R3HDM2: variants seen among roughly 807,000 people sequenced by gnomAD.
The protein encoded by R3HDM2 is R3H domain-containing protein 2.
Under a neutral mutation model 124.5 loss-of-function variants are expected in R3HDM2, and 38 were observed. The ratio of observed to expected loss-of-function variants is 0.31; its 90% CI spans 0.24 to 0.40. R3HDM2 has a LOEUF of 0.40. Among genes scored for constraint, R3HDM2 ranks in the 10% least tolerant of loss-of-function variants. R3HDM2 has a pLI of 1.00. For missense variants in R3HDM2, 869 were observed against 1,236.9 expected (o/e 0.70, Z 4.46); for synonymous variants, 391 against 448.0 (o/e 0.87, Z 1.61).
chr12:57,420,364 C>T (rs1330896603), intron 1 of R3HDM2, among the ~76,000 whole-genome samples: 1 of 152,056 alleles, frequency 6.6e-6, no homozygotes, highest in Non-Finnish European at 1.5e-5. Context: ...TCTAATGACC[C>T]TGCTCTCACT....
chr12:57,416,804 T>TC (rs934836783), intron 1 of R3HDM2, among the ~76,000 whole-genome samples: 5 of 147,808 alleles, frequency 3.4e-5, no homozygotes, highest in Non-Finnish European at 7.5e-5. Flanking sequence ...TGAGACTCTG[T>TC]CCCCCCCGCC....
At chr12:57,364,099 T>TA (rs1002682911) in intron 2 of R3HDM2, among the ~76,000 whole-genome samples, 5 of 151,540 alleles carry the variant, frequency 3.3e-5, no homozygotes, top group Non-Finnish European at 7.4e-5. Flanking sequence ...CCTTATGTAA[T>TA]AGTTTGCTAG....
chr12:57,269,938 A>C lies in R3HDM2; in HGVS notation c.1401T>G (p.Thr467=), dbSNP rs916157548. The C allele has an allele frequency of 6.2e-7, 1 of 1,614,218 alleles. No homozygotes were observed. The highest frequency in any genetic ancestry group is 8.5e-7 in the Non-Finnish European group (1 of 1,180,030). ...GQMSLSRQGS[T]EAADPSAALF... ...GAGCTGCAGATGGGTCAGCTGCTTCAGTAGAACCTTGGCGACTAAGGCTCA... is the reference window on the plus strand; with the variant it reads ...GAGCTGCAGATGGGTCAGCTGCTTCCGTAGAACCTTGGCGACTAAGGCTCA... The change falls in exon 15 of 24, where the codon ACT becomes ACG. Residue 467 remains threonine (T), a synonymous_variant. Coordinates refer to ENST00000402412, the MANE Select transcript of R3HDM2 (RefSeq NM_001394031.1).
intron 2 of R3HDM2, among the ~76,000 whole-genome samples, chr12:57,344,547 A>G (rs146441654): frequency 6.6e-6 from 1 of 152,388 alleles, no homozygotes; most frequent in East Asian, 1.9e-4. Context: ...ACAACCTCAC[A>G]TGACAAAAAT....
Position 57,298,125 on chromosome 12 carries a change from A to G in R3HDM2, c.465T>C (p.His155=). The G allele has an allele frequency of 6.4e-7, 1 of 1,551,202 alleles. No individual in the cohort carries two copies. The highest frequency in any genetic ancestry group is 8.7e-7 in the Non-Finnish European group (1 of 1,146,720). Residue 155 remains histidine (H), a synonymous_variant, in exon 7 of 24, where the codon CAT becomes CAC. Transcript: ENST00000402412. Reference sequence around the variant, plus strand: ...TTTTCAGTGTATTTACAAGAAATTCATGTAGGTCTATTCCAGTGGAGTCCG... The same window carrying G: ...TTTTCAGTGTATTTACAAGAAATTCGTGTAGGTCTATTCCAGTGGAGTCCG... ...EYTDSTGIDL[H]EFLVNTLKKN...
At chr12:57,260,628 C>T (rs1452750417) in intron 19 of R3HDM2, among the ~76,000 whole-genome samples, 1 of 152,096 alleles carries the variant, frequency 6.6e-6, no homozygotes, top group Non-Finnish European at 1.5e-5. Flanking sequence ...TCCTGACCTC[C>T]CAGGCTATAT....
At chr12:57,388,587 G>C (rs543874166) in intron 2 of R3HDM2, among the ~76,000 whole-genome samples, 208 of 152,230 alleles carry the variant, frequency 1.4e-3, no homozygotes, top group African/African-American at 4.9e-3. Flanking sequence ...GAGCTAACTT[G>C]CATTTTTCTA....
At chr12:57,262,114 G>A (rs924620400) in intron 19 of R3HDM2, among the ~76,000 whole-genome samples, 5 of 152,166 alleles carry the variant, frequency 3.3e-5, no homozygotes, top group Non-Finnish European at 7.3e-5. Flanking sequence ...GAAAGGAATT[G>A]TTTGGAGAAA....
intron 2 of R3HDM2, among the ~76,000 whole-genome samples, chr12:57,327,904 G>C (rs1253825821): frequency 6.6e-6 from 1 of 152,122 alleles, no homozygotes; most frequent in East Asian, 1.9e-4. Context: ...GACAATAAAG[G>C]ATTTAGAATA....
At chr12:57,394,819 C>A (rs2067243097) in intron 2 of R3HDM2, among the ~76,000 whole-genome samples, 1 of 152,174 alleles carries the variant, frequency 6.6e-6, no homozygotes, top group South Asian at 2.1e-4. Flanking sequence ...ATATTAATCA[C>A]CTCTTAAGAA....
intron 2 of R3HDM2, among the ~76,000 whole-genome samples, chr12:57,356,878 C>A (rs1394189892): frequency 6.6e-6 from 1 of 152,048 alleles, no homozygotes; most frequent in Non-Finnish European, 1.5e-5. Context: ...GAGGCCGAGG[C>A]GGGCGAATCG....
intron 2 of R3HDM2, among the ~76,000 whole-genome samples, chr12:57,369,490 C>T (rs958340276): frequency 7.2e-5 from 11 of 152,080 alleles, no homozygotes; most frequent in Admixed American, 3.9e-4. Context: ...TGTTATGCAG[C>T]GAAAACTTGG....
chr12:57,356,248 T>C (rs1455836388), intron 2 of R3HDM2, among the ~76,000 whole-genome samples: 1 of 152,214 alleles, frequency 6.6e-6, no homozygotes, highest in Non-Finnish European at 1.5e-5. Flanking sequence ...TTCTCATTTA[T>C]TCAGAGTTTT....
intron 2 of R3HDM2, among the ~76,000 whole-genome samples, chr12:57,361,901 G>T (rs901966286): frequency 3.3e-5 from 5 of 152,160 alleles, no homozygotes; most frequent in African/African-American, 4.8e-5. Flanking sequence ...AGAAGCAACA[G>T]ATGAGTTTCC....
chr12:57,346,771 T>C (rs1012633048), intron 2 of R3HDM2, among the ~76,000 whole-genome samples: 2 of 152,188 alleles, frequency 1.3e-5, no homozygotes, highest in Non-Finnish European at 2.9e-5. Flanking sequence ...TATTCTCCTA[T>C]TGAGTTCCTT....
intron 2 of R3HDM2, among the ~76,000 whole-genome samples, chr12:57,329,762 A>AAAAAG (rs1424841561): frequency 5.3e-4 from 81 of 151,564 alleles, no homozygotes; most frequent in African/African-American, 1.9e-3. Context: ...AAAGAAAAAG[A>AAAAAG]AAAAAAAAGA....
At chr12:57,348,165 T>TATAA (rs1168876470) in intron 2 of R3HDM2, among the ~76,000 whole-genome samples, 1 of 152,200 alleles carries the variant, frequency 6.6e-6, no homozygotes, top group Non-Finnish European at 1.5e-5. Context: ...GGCTCATGCC[T>TATAA]ATAATCTCAA....
intron 2 of R3HDM2, among the ~76,000 whole-genome samples, chr12:57,356,607 G>A (rs2061327636): frequency 6.6e-6 from 1 of 152,166 alleles, no homozygotes; most frequent in Non-Finnish European, 1.5e-5. Context: ...ATATGAGTTG[G>A]GAAGTGTTCC....
chr12:57,394,476 G>A (rs1005903607), intron 2 of R3HDM2, among the ~76,000 whole-genome samples: 5 of 152,150 alleles, frequency 3.3e-5, no homozygotes, highest in African/African-American at 1.2e-4. Flanking sequence ...GGAGGCCAAG[G>A]CAGGAGAATC....
Sources: allele counts gnomAD v4.1 joint callset (sites outside exome capture counted in the v4.1 genomes callset), GRCh38; gene constraint gnomAD v4.1.1; transcripts MANE v1.5; gene names NCBI Gene and HGNC (gene_info 2026-07-23, HGNC 2026-07-21).